The following CTTNBP2 variants were observed in gnomAD, a reference collection of about 807,000 sequenced individuals.
The protein encoded by CTTNBP2 is cortactin binding protein 2, also known as cortactin-binding protein 2.
A neutral mutation model predicts 156.9 loss-of-function variants in CTTNBP2; 108 were observed. That is an observed-to-expected ratio of 0.69 (90% CI 0.59 to 0.81). CTTNBP2 has a LOEUF of 0.81. Ranked by LOEUF, CTTNBP2 falls within the 30% of genes least tolerant of loss-of-function variation. The pLI, the probability that CTTNBP2 is intolerant of heterozygous loss-of-function variation, is 0.00. For missense variants in CTTNBP2, 1,924 were observed against 2,035.4 expected, an observed-to-expected ratio of 0.95 and a Z score of 1.05; for synonymous variants, 767 against 751.8, an observed-to-expected ratio of 1.02 and a Z score of -0.33.
At chr7:117,738,312 T>G (rs1795821114) in intron 14 of CTTNBP2, among the ~76,000 whole-genome samples, 1 of 152,108 alleles carries the variant, frequency 6.6e-6, no homozygotes, top group South Asian at 2.1e-4. Flanking sequence ...TCAGAATGTC[T>G]TGTTGGGAGG....
intron 6 of CTTNBP2, among the ~76,000 whole-genome samples, chr7:117,782,034 T>A (rs564213481): frequency 1.3e-5 from 2 of 152,334 alleles, no homozygotes; most frequent in African/African-American, 4.8e-5. Context: ...AATAATTCAT[T>A]TTGAATTTTA....
At chr7:117,852,687 T>C (rs1584552794) in intron 2 of CTTNBP2, among the ~76,000 whole-genome samples, 1 of 152,220 alleles carries the variant, frequency 6.6e-6, no homozygotes, top group Admixed American at 6.5e-5. Flanking sequence ...TTACCTGCGC[T>C]CAATTGCAAG....
At position 117,740,247 on chromosome 7, in the gene CTTNBP2, C is replaced by T. The variant is rs35316465; in HGVS notation, c.3536-4826G>A. Among the ~76,000 whole-genome samples, 1,018 of 133,384 alleles carry T rather than the reference C, an allele frequency of 7.6e-3. 11 individuals are homozygous for T. The highest frequency in any genetic ancestry group is 0.03 in the African/African-American group (934 of 31,078). The allele number at this position is 133,384 out of a possible 152,430, so 87.5% of individuals were successfully genotyped here. A position where few individuals can be genotyped will look rare whatever the true frequency, so the allele number is the denominator to read the frequency against. On this transcript the variant is annotated intron_variant, in intron 14 of 22. Transcript: ENST00000160373. ...TGTTCTCTATTCTTTTCTTCATTGG[C>T]ACCATTTTAATCTCCATTTAAGTTT...
intron 2 of CTTNBP2, among the ~76,000 whole-genome samples, chr7:117,821,588 ATTTTT>A (rs61303861): frequency 7.4e-6 from 1 of 134,696 alleles, no homozygotes; most frequent in Non-Finnish European, 1.6e-5. Flanking sequence ...TCTGTTTAGG[ATTTTT>A]TTTTTTTTTT....
intron 16 of CTTNBP2, among the ~76,000 whole-genome samples, chr7:117,728,576 T>C (rs1482751092): frequency 5.9e-5 from 9 of 152,326 alleles, no homozygotes; most frequent in Admixed American, 5.9e-4. Flanking sequence ...CAGGTAATAG[T>C]GGCAAAGCCA....
At position 117,825,874 on chromosome 7, in the gene CTTNBP2, G is replaced by A. The variant is rs566471423; in HGVS notation, c.190-14885C>T. ...GATGCTCTTTCTAGTTTGTAGCGGCGGTGTAAGGTTTTCCCTATTCTTATA... is the reference window on the plus strand; with the variant it reads ...GATGCTCTTTCTAGTTTGTAGCGGCAGTGTAAGGTTTTCCCTATTCTTATA... On this transcript the variant is annotated intron_variant, in intron 2 of 22. Coordinates refer to ENST00000160373, the MANE Select transcript of CTTNBP2 (RefSeq NM_033427.3). Among the ~76,000 whole-genome samples the A allele has an allele frequency of 7.9e-5, 12 of 152,230 alleles. No homozygotes were observed. The East Asian group carries it at 1.3e-3, about 17-fold the overall frequency.
intron 1 of CTTNBP2, among the ~76,000 whole-genome samples, chr7:117,862,280 A>G (rs1028389808): frequency 1.3e-5 from 2 of 149,906 alleles, no homozygotes; most frequent in Non-Finnish European, 3.0e-5. Flanking sequence ...CAGCTACAGT[A>G]CAAAGTCAGC....
At chr7:117,848,069 G>A (rs183610797) in intron 2 of CTTNBP2, among the ~76,000 whole-genome samples, 8 of 151,880 alleles carry the variant, frequency 5.3e-5, no homozygotes, top group East Asian at 3.9e-4. Context: ...CACCCACCTC[G>A]GCCTCCCAAA....
At chr7:117,830,836 T>C (rs1247213190) in intron 2 of CTTNBP2, among the ~76,000 whole-genome samples, 1 of 152,220 alleles carries the variant, frequency 6.6e-6, no homozygotes, top group Non-Finnish European at 1.5e-5. Flanking sequence ...AAGTAATGAT[T>C]GTTTTTGTTT....
Position 117,718,077 on chromosome 7 carries a change from C to CA in CTTNBP2, c.4686dup (p.Gly1563TrpfsTer11). 1.2e-6 allele frequency: 2 copies of CA among 1,613,394 alleles called. No homozygotes were observed. Among genetic ancestry groups the CA allele is most frequent in the South Asian group, 2.2e-5 (2 of 91,034 alleles). Reference sequence around the variant, plus strand: ...GTTGCTGAAAGTACAGGGTTGTTTCCAGAACTATCAAACATCCTTAAATCA... The same window carrying CA: ...GTTGCTGAAAGTACAGGGTTGTTTCCAAGAACTATCAAACATCCTTAAATCA... On this transcript the variant is annotated frameshift_variant, in exon 22 of 23. Coordinates refer to ENST00000160373, the MANE Select transcript of CTTNBP2 (RefSeq NM_033427.3). LOFTEE classifies it high-confidence loss of function.
intron 3 of CTTNBP2, among the ~76,000 whole-genome samples, chr7:117,795,132 A>G (rs1015400470): frequency 6.8e-6 from 1 of 146,042 alleles, no homozygotes; most frequent in African/African-American, 2.5e-5. Context: ...TCCTGACCTC[A>G]TGATCCACCC....
intron 2 of CTTNBP2, among the ~76,000 whole-genome samples, chr7:117,829,798 G>A (rs1801493657): frequency 6.6e-6 from 1 of 152,202 alleles, no homozygotes; most frequent in Non-Finnish European, 1.5e-5. Flanking sequence ...GGAGATGTCA[G>A]AGTATATATG....
At chr7:117,834,213 C>A (rs35132898) in intron 2 of CTTNBP2, among the ~76,000 whole-genome samples, 2 of 152,116 alleles carry the variant, frequency 1.3e-5, no homozygotes, top group African/African-American at 2.4e-5. Context: ...TGCTACCACA[C>A]CTGGCTAATT....
At chr7:117,780,234 A>G (rs1355563136) in intron 7 of CTTNBP2, among the ~76,000 whole-genome samples, 1 of 152,232 alleles carries the variant, frequency 6.6e-6, no homozygotes, top group African/African-American at 2.4e-5. Context: ...TCTGAGGCTC[A>G]GAGGTTAAAG....
At chr7:117,862,788 G>T (rs1035888899) in intron 1 of CTTNBP2, among the ~76,000 whole-genome samples, 1 of 152,194 alleles carries the variant, frequency 6.6e-6, no homozygotes, top group African/African-American at 2.4e-5. Context: ...TCAAAGAATT[G>T]ACTCTAATTT....
intron 16 of CTTNBP2, among the ~76,000 whole-genome samples, chr7:117,734,378 G>A (rs1205460552): frequency 1.3e-5 from 2 of 152,126 alleles, no homozygotes; most frequent in African/African-American, 4.8e-5. Context: ...ATTAAATAAT[G>A]ATGTATTCGA....
At chr7:117,865,505 CAAAAAAAAAAA>C (rs1192266764) in intron 1 of CTTNBP2, among the ~76,000 whole-genome samples, 106 of 127,580 alleles carry the variant, frequency 8.3e-4, no homozygotes, top group African/African-American at 3.0e-3. Context: ...TACTAAAATA[CAAAAAAAAAAA>C]AGAAAAAAAA....
At chr7:117,747,964 C>T (rs1307287586) in intron 12 of CTTNBP2, among the ~76,000 whole-genome samples, 1 of 152,088 alleles carries the variant, frequency 6.6e-6, no homozygotes, top group Non-Finnish European at 1.5e-5. Context: ...TGAAAGATAT[C>T]ATGTCTGGTA....
chr7:117,857,911 A>G (rs1803436453), intron 2 of CTTNBP2, among the ~76,000 whole-genome samples: 1 of 152,240 alleles, frequency 6.6e-6, no homozygotes, highest in Non-Finnish European at 1.5e-5. Flanking sequence ...CAGATGACAT[A>G]CTGTGACCAG....
Sources: allele counts gnomAD v4.1 joint callset (sites outside exome capture counted in the v4.1 genomes callset), GRCh38; gene constraint gnomAD v4.1.1; transcripts MANE v1.5; gene names NCBI Gene and HGNC (gene_info 2026-07-23, HGNC 2026-07-21).